The following TMEM39B variants were observed in gnomAD, a reference collection of about 807,000 sequenced individuals.
TMEM39B encodes the protein transmembrane protein 39B.
Under a neutral mutation model 52.2 loss-of-function variants are expected in TMEM39B, and 23 were observed. The ratio of observed to expected loss-of-function variants is 0.44; its 90% confidence interval spans 0.32 to 0.62. The LOEUF (loss-of-function observed/expected upper bound fraction) is 0.62. TMEM39B is among the 20% of genes least tolerant of loss of function. The pLI, the probability that TMEM39B is intolerant of heterozygous loss-of-function variation, is 0.06. For missense variants in TMEM39B, 547 were observed against 642.0 expected (o/e 0.85, Z 1.60); for synonymous variants, 285 against 264.0 (o/e 1.08, Z -0.77).
rs190723107 is a variant in TMEM39B, at chr1:32,076,752, C to T, written c.352-11C>T. The T allele has an allele frequency of 2.5e-6, 4 of 1,613,892 alleles. No homozygotes were observed. Among genetic ancestry groups the T allele is most frequent in the African/African-American group, 2.7e-5 (2 of 74,974 alleles). ...GGCCCACATGACCCCCAGGCCTCTG[C>T]CCCCTGACAGAACTTCCATCTGATC... On this transcript the variant is annotated splice_polypyrimidine_tract_variant and intron_variant, in intron 3 of 8. Transcript: ENST00000336294.
At chr1:32,084,013 A>ACACACACACACACACAC (rs1557426912) in intron 5 of TMEM39B, among the ~76,000 whole-genome samples, 1 of 152,118 alleles carries the variant, frequency 6.6e-6, no homozygotes, top group African/African-American at 2.4e-5. Context: ...ACACACACAC[A>ACACACACACACACACAC]AATGTTCCTA....
chr1:32,092,133 G>A, intron 6 of TMEM39B, 122 bp downstream of exon 6: 1 of 882,608 alleles, frequency 1.1e-6, no homozygotes, highest in Non-Finnish European at 1.7e-6. Context: ...CATCTCTGGA[G>A]GACTGGAGTG....
chr1:32,095,104 G>T, intron 7 of TMEM39B, 133 bp downstream of exon 7: 1 of 1,098,968 alleles, frequency 9.1e-7, no homozygotes, highest in South Asian at 1.5e-5. Context: ...ATTAGGCCAG[G>T]TGTCCAGGGT....
At chr1:32,098,746 AAAAG>A (rs924699000) in intron 7 of TMEM39B, among the ~76,000 whole-genome samples, 4 of 152,144 alleles carry the variant, frequency 2.6e-5, no homozygotes, top group Non-Finnish European at 4.4e-5. Context: ...CTCAAAAAAA[AAAAG>A]AAAGCTCACC....
At position 32,074,952 on chromosome 1, in the gene TMEM39B, A is replaced by G; in HGVS notation, c.6A>G (p.Gly2=). 1.3e-6 allele frequency: 2 copies of G among 1,550,780 alleles called. No individual in the cohort carries two copies. The highest frequency in any genetic ancestry group is 1.7e-6 in the Non-Finnish European group (2 of 1,146,588). Residue 2 remains glycine (G), a splice_region_variant and synonymous_variant, in exon 2 of 9, where the codon GGA becomes GGG. Coordinates refer to ENST00000336294, the MANE Select transcript of TMEM39B (RefSeq NM_018056.4). ...TCTATTTTATGTTGAGCCCCACAGG[A>G]GGACGAAGAGGTCCCAACAGGACAT... The part of the protein sequence containing the change: M[G]GRRGPNRTSY...
intron 5 of TMEM39B, among the ~76,000 whole-genome samples, chr1:32,088,693 GCAGTCTGTCA>G (rs1184219709): frequency 6.6e-6 from 1 of 151,804 alleles, no homozygotes; most frequent in Non-Finnish European, 1.5e-5. Context: ...ACCTGTCAGA[GCAGTCTGTCA>G]CCAAATAATT....
Position 32,088,547 on chromosome 1 carries a change from T to C in TMEM39B, c.591-3128T>C, listed in dbSNP as rs1640471681. ...AAATTTGTCAGAATCATTTGTGCACTGATGACCCTCACTCCCATTTTTTTT... is the reference window on the plus strand; with the variant it reads ...AAATTTGTCAGAATCATTTGTGCACCGATGACCCTCACTCCCATTTTTTTT... On this transcript the variant is annotated intron_variant, in intron 5 of 8. Transcript: ENST00000336294. Among the ~76,000 whole-genome samples the C allele has an allele frequency of 3.3e-5, 5 of 150,776 alleles. No homozygotes were observed. The Admixed American group carries it at 3.3e-4, about 10-fold the overall frequency.
chr1:32,082,374 C>T (rs1344238591), intron 5 of TMEM39B, among the ~76,000 whole-genome samples: 1 of 152,138 alleles, frequency 6.6e-6, no homozygotes, highest in Non-Finnish European at 1.5e-5. Context: ...TCATTCACTC[C>T]AGGGCCCAGT....
upstream of TMEM39B, chr1:32,072,308 A>C (rs1034960890): frequency 6.6e-6 from 1 of 152,216 alleles, no homozygotes; most frequent in Non-Finnish European, 1.5e-5. Context: ...AAACAGACTC[A>C]GTTCTGCATG....
chr1:32,091,732 C>A lies in TMEM39B; in HGVS notation c.648C>A (p.Leu216=). The A allele has an allele frequency of 1.2e-6, 2 of 1,614,166 alleles. No homozygotes were observed. Among genetic ancestry groups the A allele is most frequent in the South Asian group, 2.2e-5 (2 of 91,080 alleles). ...QLNCDLRKTS[L]FNHMASMGPR... is the part of the protein sequence containing the mutation. Reference sequence around the variant, plus strand: ...ATTGCGACCTCCGCAAGACAAGCCTCTTCAACCACATGGCCTCCATGGGGC... The same window carrying A: ...ATTGCGACCTCCGCAAGACAAGCCTATTCAACCACATGGCCTCCATGGGGC... The change falls in exon 6 of 9, where the codon CTC becomes CTA. Residue 216 remains leucine, a synonymous_variant. Coordinates refer to ENST00000336294, the MANE Select transcript of TMEM39B (RefSeq NM_018056.4).
chr1:32,077,310 C>T lies in TMEM39B; in HGVS notation c.582C>T (p.Leu194=). ...RTYSFLNLLF[L]CYPFGMYIPF... Reference sequence around the variant, plus strand: ...ACTCCTTCCTGAACCTCCTGTTCCTCTGCTATCCGTGAGTACCCCTCACTT... The same window carrying T: ...ACTCCTTCCTGAACCTCCTGTTCCTTTGCTATCCGTGAGTACCCCTCACTT... The change falls in exon 5 of 9, where the codon CTC becomes CTT. Residue 194 remains leucine, a synonymous_variant. Transcript: ENST00000336294. 6.2e-7 allele frequency: 1 copy of T among 1,614,186 alleles called. No individual in the cohort carries two copies. Among genetic ancestry groups the T allele is most frequent in the Non-Finnish European group, 8.5e-7 (1 of 1,180,030 alleles).
intron 5 of TMEM39B, among the ~76,000 whole-genome samples, chr1:32,078,477 C>T (rs1198907891): frequency 6.6e-6 from 1 of 151,530 alleles, no homozygotes; most frequent in African/African-American, 2.4e-5. Flanking sequence ...GAGTGAGGTC[C>T]TGTCTTTAAA....
intron 3 of TMEM39B, 92 bp from the exon 4 acceptor site, chr1:32,076,671 T>G: frequency 7.8e-7 from 1 of 1,284,254 alleles, no homozygotes; most frequent in South Asian, 1.2e-5. Context: ...ACAGTCTCTG[T>G]GGAAAGAAAT....
Position 32,094,877 on chromosome 1 carries a change from G to A in TMEM39B, c.1021G>A (p.Ala341Thr). Residue 341 changes from alanine to threonine, a missense_variant, in exon 7 of 9, where the codon GCC (alanine) becomes ACC (threonine). Coordinates refer to ENST00000336294, the MANE Select transcript of TMEM39B (RefSeq NM_018056.4). ...SVILMQHLLP[A>T]SYCDLLHKAA... ...GATCCTCATGCAGCACCTGCTGCCT[G>A]CCAGCTACTGTGACCTGCTGCACAA... 1 of 1,614,142 alleles carries A rather than the reference G, an allele frequency of 6.2e-7. No homozygotes were observed. Among genetic ancestry groups the A allele is most frequent in the Admixed American group, 1.7e-5 (1 of 60,028 alleles).
chr1:32,088,190 G>A (rs1051163847), intron 5 of TMEM39B, among the ~76,000 whole-genome samples: 2 of 149,494 alleles, frequency 1.3e-5, no homozygotes, highest in Admixed American at 1.3e-4. Flanking sequence ...GGCCGAAGTG[G>A]GCGATCACGA....
At chr1:32,079,514 C>A (rs1433457903) in intron 5 of TMEM39B, among the ~76,000 whole-genome samples, 2 of 151,918 alleles carry the variant, frequency 1.3e-5, no homozygotes, top group Non-Finnish European at 2.9e-5. Context: ...TGGACCAGTT[C>A]ATCCCCTCCT....
At chr1:32,075,391 C>A (rs973238016) in intron 2 of TMEM39B, among the ~76,000 whole-genome samples, 1 of 152,166 alleles carries the variant, frequency 6.6e-6, no homozygotes, top group African/African-American at 2.4e-5. Flanking sequence ...CCTAATAATT[C>A]TTTCTCTCCT....
chr1:32,076,597 C>G (rs1311402141), intron 3 of TMEM39B, 166 bp from the exon 4 acceptor site: 2 of 734,890 alleles, frequency 2.7e-6, no homozygotes, highest in African/African-American at 3.5e-5. Context: ...GGGTCCTGTC[C>G]TACTCCTGTA....
Position 32,094,855 on chromosome 1 carries a change from C to G in TMEM39B, c.999C>G (p.Ile333Met). 6.2e-7 allele frequency: 1 copy of G among 1,614,230 alleles called. No homozygotes were observed. The highest frequency in any genetic ancestry group is 8.5e-7 in the Non-Finnish European group (1 of 1,180,050). ...TGGTGTCCATCAGCACCTCCGTGATCCTCATGCAGCACCTGCTGCCTGCCA... is the reference window on the plus strand; with the variant it reads ...TGGTGTCCATCAGCACCTCCGTGATGCTCATGCAGCACCTGCTGCCTGCCA... ...FLLVSISTSV[I>M]LMQHLLPASY... The change falls in exon 7 of 9, where the codon ATC becomes ATG. Residue 333 changes from isoleucine (I) to methionine (M), a missense_variant. By Grantham distance (10) the Ile-to-Met change is conservative. Coordinates refer to ENST00000336294, the MANE Select transcript of TMEM39B (RefSeq NM_018056.4).
Sources: allele counts gnomAD v4.1 joint callset (sites outside exome capture counted in the v4.1 genomes callset), GRCh38; gene constraint gnomAD v4.1.1; transcripts MANE v1.5; gene names NCBI Gene and HGNC (gene_info 2026-07-23, HGNC 2026-07-21).